The following ACOT9 variants were observed in gnomAD, a reference collection of about 807,000 sequenced individuals.
ACOT9 encodes the protein acyl-CoA thioesterase 9, also known as acyl-coenzyme A thioesterase 9, mitochondrial.
Under a neutral mutation model 39.7 loss-of-function variants are expected in ACOT9, and 34 were observed. The observed-to-expected ratio is 0.86, with a 90% CI of 0.65 to 1.14. ACOT9 has a LOEUF of 1.14. Ranked by LOEUF, ACOT9 falls within the 50% of genes most tolerant of loss-of-function variation. ACOT9 has a pLI of 0.00. For synonymous variants in ACOT9, 110 were observed against 120.5 expected, an observed-to-expected ratio of 0.91 and a Z score of 0.57; for missense variants, 313 against 344.1, an observed-to-expected ratio of 0.91 and a Z score of 0.71.
chrX:23,701,911 A>T lies in ACOT9; in HGVS notation c.*1983T>A, dbSNP rs1928495515. On this transcript the variant is annotated 3_prime_UTR_variant, in exon 16 of 16. Coordinates refer to ENST00000379303, the MANE Select transcript of ACOT9 (RefSeq NM_001037171.2). ...AACATGGTGAAACCGCCTTTCTACTAAAAATACAAAAACTAGCCAGGCATG... is the reference window on the plus strand; with the variant it reads ...AACATGGTGAAACCGCCTTTCTACTTAAAATACAAAAACTAGCCAGGCATG... Among the ~76,000 whole-genome samples the T allele has an allele frequency of 9.0e-6, 1 of 111,022 alleles. No homozygotes were observed. Among genetic ancestry groups the T allele is most frequent in the East Asian group, 2.9e-4 (1 of 3,435 alleles).
At chrX:23,730,368 C>T (rs1439255555) in intron 6 of ACOT9, among the ~76,000 whole-genome samples, 159 bp downstream of exon 6, 5 of 111,302 alleles carry the variant, frequency 4.5e-5, no homozygotes, top group African/African-American at 6.5e-5. Flanking sequence ...GCTGGGATTA[C>T]AGGCATGAGC....
At chrX:23,714,057 G>A (rs1290240946) in intron 8 of ACOT9, among the ~76,000 whole-genome samples, 3 of 110,367 alleles carry the variant, frequency 2.7e-5, no homozygotes, top group Non-Finnish European at 3.8e-5. Flanking sequence ...CAAACAAAAC[G>A]CAAATAGTAT....
At chrX:23,739,634 A>T (rs1163000409) in intron 1 of ACOT9, among the ~76,000 whole-genome samples, 1 of 110,898 alleles carries the variant, frequency 9.0e-6, no homozygotes, top group Non-Finnish European at 1.9e-5. Context: ...TCTACAAAAA[A>T]ATTTTAAAAT....
chrX:23,732,853 G>C (rs1028800693), intron 4 of ACOT9, among the ~76,000 whole-genome samples: 32 of 111,889 alleles, frequency 2.9e-4, no homozygotes, highest in African/African-American at 1.0e-3. Context: ...CTGAGTTTCA[G>C]TTTCATGTGT....
chrX:23,743,053 C>G (rs1920996911), intron 1 of ACOT9, 72 bp downstream of exon 1: 4 of 1,080,855 alleles, frequency 3.7e-6, no homozygotes, highest in Non-Finnish European at 4.9e-6. Flanking sequence ...GGGGCCAGCC[C>G]GAAGCTCTAG....
chrX:23,717,179 G>T (rs189191036), intron 8 of ACOT9, among the ~76,000 whole-genome samples: 42 of 110,408 alleles, frequency 3.8e-4, no homozygotes, highest in Admixed American at 3.3e-3. Context: ...TTGTAGAGAC[G>T]GGGTTTCACC....
At chrX:23,704,920 G>A in intron 14 of ACOT9, 73 bp downstream of exon 14, 2 of 1,173,564 alleles carry the variant, frequency 1.7e-6, no homozygotes, top group African/African-American at 3.6e-5. Flanking sequence ...GAAAACAGTG[G>A]CTTTTTGATA....
intron 2 of ACOT9, among the ~76,000 whole-genome samples, chrX:23,735,240 C>CAAAAAA (rs35950361): frequency 3.8e-4 from 11 of 29,167 alleles, no homozygotes; most frequent in East Asian, 1.5e-3. Context: ...GACTCCATCC[C>CAAAAAA]AAAAAAAAAA....
chrX:23,704,887 A>T (rs971978872), intron 14 of ACOT9, 43 bp from the exon 15 acceptor site: 2 of 1,174,566 alleles, frequency 1.7e-6, no homozygotes, highest in Non-Finnish European at 2.3e-6. Flanking sequence ...TGCATTAGGA[A>T]GGGGAAAAAG....
chrX:23,707,042 A>C, intron 10 of ACOT9: 1 of 162,861 alleles, frequency 6.1e-6, no homozygotes, highest in Non-Finnish European at 1.2e-5. Flanking sequence ...CATGCCTGTA[A>C]TCCCAACACT....
Position 23,735,928 on chromosome X carries a change from T to A in ACOT9, c.109A>T (p.Ile37Phe), listed in dbSNP as rs1279067875. Residue 37 changes from isoleucine to phenylalanine, a missense_variant, in exon 2 of 16, where the codon ATT becomes TTT. By Grantham distance (21) the Ile-to-Phe change is conservative (BLOSUM62 0). Coordinates refer to ENST00000379303, the MANE Select transcript of ACOT9 (RefSeq NM_001037171.2). Reference sequence around the variant, plus strand: ...GAGACACCATGCTTGCCTTCATGAATGTGGAAGATTCCCTGTTTCTTGGGG... The same window carrying A: ...GAGACACCATGCTTGCCTTCATGAAAGTGGAAGATTCCCTGTTTCTTGGGG... ...QNPKKQGIFH[I>F]HEACSSIHVN... The A allele has an allele frequency of 8.3e-7, 1 of 1,208,497 alleles. No individual in the cohort carries two copies. The highest frequency in any genetic ancestry group is 3.0e-5 in the East Asian group (1 of 33,743).
chrX:23,706,639 T>C lies in ACOT9; in HGVS notation c.831A>G (p.Thr277=). The C allele has an allele frequency of 8.4e-7, 1 of 1,189,128 alleles. No homozygotes were observed. Among genetic ancestry groups the C allele is most frequent in the East Asian group, 3.0e-5 (1 of 33,276 alleles). Residue 277 remains threonine (T), a synonymous_variant, in exon 11 of 16, where the codon ACA becomes ACG. Transcript: ENST00000379303. ...CTCACCATCCTTACTTTGGATCCAG[T>C]GTGCTGAGAAACATCTCATGTATGG... The part of the protein sequence containing the change: ...RTTIHEMFLS[T]LDPKTISFRS...
chrX:23,725,488 A>AAAAAGAT (rs1488436114), intron 6 of ACOT9, among the ~76,000 whole-genome samples: 1 of 102,810 alleles, frequency 9.7e-6, no homozygotes, highest in African/African-American at 3.6e-5. Flanking sequence ...AAAAAAAAAA[A>AAAAAGAT]AGATAAAGAT....
chrX:23,743,112 C>T lies in ACOT9; in HGVS notation c.20+13G>A. The T allele has an allele frequency of 8.6e-7, 1 of 1,157,212 alleles. No individual in the cohort carries two copies. The highest frequency in any genetic ancestry group is 1.8e-5 in the African/African-American group (1 of 55,968). Reference sequence around the variant, plus strand: ...TACCGCCCTGCCAGCCCCTTCCACGCCCCGCCACCTACCGCAGTGCTGCCC... The same window carrying T: ...TACCGCCCTGCCAGCCCCTTCCACGTCCCGCCACCTACCGCAGTGCTGCCC... On this transcript the variant is annotated intron_variant, in intron 1 of 15. Coordinates refer to ENST00000379303, the MANE Select transcript of ACOT9 (RefSeq NM_001037171.2).
At chrX:23,737,511 T>G (rs1174526520) in intron 1 of ACOT9, among the ~76,000 whole-genome samples, 1 of 112,141 alleles carries the variant, frequency 8.9e-6, no homozygotes, top group Non-Finnish European at 1.9e-5. Context: ...ATGACAGCAT[T>G]CAGAGAAAGC....
At chrX:23,721,751 G>T in intron 8 of ACOT9, 130 bp downstream of exon 8, 1 of 461,868 alleles carries the variant, frequency 2.2e-6, no homozygotes, top group Non-Finnish European at 3.6e-6. Flanking sequence ...TATGACATGA[G>T]CTTTCAACTG....
At chrX:23,731,086 A>T in intron 4 of ACOT9, 100 bp from the exon 5 acceptor site, 1 of 696,737 alleles carries the variant, frequency 1.4e-6, no homozygotes, top group Non-Finnish European at 2.1e-6. Context: ...GAGGAAAAAG[A>T]AGGTCTGGGC....
At chrX:23,743,050 G>A in intron 1 of ACOT9, 75 bp downstream of exon 1, 2 of 1,076,270 alleles carry the variant, frequency 1.9e-6, no homozygotes. Context: ...GCCGGGGCCA[G>A]CCCGAAGCTC....
At chrX:23,733,754 A>G (rs1209976703) in intron 3 of ACOT9, among the ~76,000 whole-genome samples, 1 of 106,102 alleles carries the variant, frequency 9.4e-6, no homozygotes, top group Non-Finnish European at 1.9e-5. Flanking sequence ...TAATTTTTGT[A>G]GTTTTGTTTT....
Sources: allele counts gnomAD v4.1 joint callset (sites outside exome capture counted in the v4.1 genomes callset), GRCh38; gene constraint gnomAD v4.1.1; transcripts MANE v1.5; gene names NCBI Gene and HGNC (gene_info 2026-07-23, HGNC 2026-07-21).